The following FOXP1 variants were observed in gnomAD, a reference collection of about 807,000 sequenced individuals.
FOXP1 encodes the protein forkhead box P1.
FOXP1 carries 15 observed loss-of-function variants against 98.2 expected under a neutral mutation model. The ratio of observed to expected loss-of-function variants is 0.15; its 90% CI spans 0.10 to 0.24. FOXP1 has a LOEUF of 0.24. FOXP1 is among the 10% of genes least tolerant of loss of function. FOXP1 has a pLI of 1.00. For synonymous variants in FOXP1, 371 were observed against 314.5 expected, an observed-to-expected ratio of 1.18 and a Z score of -1.90; for missense variants, 633 against 848.5, an observed-to-expected ratio of 0.75 and a Z score of 3.15.
intron 11 of FOXP1, among the ~76,000 whole-genome samples, chr3:71,040,842 G>A (rs2048247490): frequency 6.6e-6 from 1 of 152,090 alleles, no homozygotes; most frequent in Non-Finnish European, 1.5e-5. Context: ...ATACATACGG[G>A]AAAGACCATG....
intron 10 of FOXP1, 122 bp downstream of exon 10, chr3:71,046,820 C>T: frequency 8.2e-7 from 1 of 1,212,578 alleles, no homozygotes. Context: ...CTCCACTTTT[C>T]TTAAAAGAAT....
chr3:71,501,100 G>C (rs1395101720), intron 2 of FOXP1, among the ~76,000 whole-genome samples: 1 of 152,034 alleles, frequency 6.6e-6, no homozygotes, highest in South Asian at 2.1e-4. Context: ...GCTGAGGTGG[G>C]AGAATTGCTT....
At chr3:71,505,941 T>C (rs1254695357) in intron 2 of FOXP1, among the ~76,000 whole-genome samples, 1 of 152,220 alleles carries the variant, frequency 6.6e-6, no homozygotes, top group Non-Finnish European at 1.5e-5. Context: ...TGGTACCACA[T>C]GCACTGGGTG....
At chr3:71,434,784 T>G (rs1165445704) in intron 3 of FOXP1, among the ~76,000 whole-genome samples, 1 of 151,990 alleles carries the variant, frequency 6.6e-6, no homozygotes, top group Non-Finnish European at 1.5e-5. Flanking sequence ...TGGCCAAATG[T>G]CAACAGTTAT....
intron 7 of FOXP1, among the ~76,000 whole-genome samples, chr3:71,097,287 T>C (rs2056550693): frequency 6.6e-6 from 1 of 152,342 alleles, no homozygotes; most frequent in Middle Eastern, 3.4e-3. Context: ...AAATTTATAC[T>C]TCAGTGTCCA....
Position 71,091,097 on chromosome 3 carries a change from C to CTGTG in FOXP1, c.282+21435_282+21438dup, listed in dbSNP as rs1191628935. Among the ~76,000 whole-genome samples, 726 of 132,606 alleles carry CTGTG rather than the reference C, an allele frequency of 5.5e-3. 9 individuals are homozygous for CTGTG. Among genetic ancestry groups the CTGTG allele is most frequent in the African/African-American group, 0.02 (692 of 35,366 alleles). 87.0% of individuals were successfully genotyped at this position (132,606 alleles called of 152,430 possible). On this transcript the variant is annotated intron_variant, in intron 7 of 20. Coordinates refer to ENST00000649528, the MANE Select transcript of FOXP1 (RefSeq NM_001349338.3). The stretch of plus-strand genomic sequence containing the variant: ...CATTTTGAGCTACAGGTGCCAGATT[C>CTGTG]TGTGTGTGTGTGTGTGTGTGTGTGT...
intron 11 of FOXP1, among the ~76,000 whole-genome samples, chr3:71,036,001 C>T (rs753991967): frequency 1.3e-5 from 2 of 152,128 alleles, no homozygotes; most frequent in Non-Finnish European, 2.9e-5. Flanking sequence ...AAATGCAACA[C>T]TAGACATGTA....
chr3:71,025,914 C>A (rs568438125), intron 11 of FOXP1, among the ~76,000 whole-genome samples: 1 of 152,296 alleles, frequency 6.6e-6, no homozygotes, highest in African/African-American at 2.4e-5. Context: ...AGCAGAGTCA[C>A]AATCAACTTT....
At chr3:71,430,823 G>A (rs2084640373) in intron 3 of FOXP1, among the ~76,000 whole-genome samples, 1 of 152,126 alleles carries the variant, frequency 6.6e-6, no homozygotes, top group African/African-American at 2.4e-5. Context: ...TTGGGGGAGG[G>A]GAGGCGGCGG....
At chr3:71,342,996 T>C (rs1469202807) in intron 4 of FOXP1, among the ~76,000 whole-genome samples, 4 of 152,190 alleles carry the variant, frequency 2.6e-5, no homozygotes, top group Non-Finnish European at 5.9e-5. Context: ...ACCTGTAACA[T>C]GAAGGTGGTA....
intron 6 of FOXP1, among the ~76,000 whole-genome samples, chr3:71,159,196 T>C (rs1162767878): frequency 3.4e-5 from 5 of 148,972 alleles, no homozygotes; most frequent in African/African-American, 9.9e-5. Context: ...GAGTAATGTA[T>C]AAAGGACCTG....
chr3:71,238,147 T>C (rs1442977854), intron 5 of FOXP1, among the ~76,000 whole-genome samples: 5 of 152,252 alleles, frequency 3.3e-5, no homozygotes, highest in Non-Finnish European at 5.9e-5. Flanking sequence ...ACTCTCAGGC[T>C]ACATATAGAT....
chr3:71,241,206 T>C (rs1172269831), intron 5 of FOXP1, among the ~76,000 whole-genome samples: 1 of 149,596 alleles, frequency 6.7e-6, no homozygotes, highest in African/African-American at 2.5e-5. Context: ...TGAGATTCCA[T>C]CTCAAAAAAA....
chr3:71,094,923 A>G (rs1156893763), intron 7 of FOXP1, among the ~76,000 whole-genome samples: 1 of 152,228 alleles, frequency 6.6e-6, no homozygotes, highest in Non-Finnish European at 1.5e-5. Flanking sequence ...GACTTCTATT[A>G]GTCAAAATCC....
chr3:71,003,811 A>C (rs1190300051), intron 12 of FOXP1, among the ~76,000 whole-genome samples: 1 of 152,126 alleles, frequency 6.6e-6, no homozygotes, highest in African/African-American at 2.4e-5. Context: ...GTTTGAACTG[A>C]TTTCACAAAT....
intron 3 of FOXP1, among the ~76,000 whole-genome samples, chr3:71,416,707 G>C (rs61548062): frequency 0.043 from 6,494 of 152,052 alleles, 453 homozygotes; most frequent in African/African-American, 0.15. Context: ...GAGTGAAGAG[G>C]AGAGGGAGGC....
intron 2 of FOXP1, among the ~76,000 whole-genome samples, chr3:71,516,645 A>C (rs1296248814): frequency 6.6e-6 from 1 of 152,168 alleles, no homozygotes; most frequent in Non-Finnish European, 1.5e-5. Context: ...CAGGAGTTCA[A>C]GACCCACCTG....
intron 5 of FOXP1, among the ~76,000 whole-genome samples, chr3:71,297,432 C>T (rs10511016): frequency 0.24 from 35,237 of 145,848 alleles, 4,508 homozygotes; most frequent in Middle Eastern, 0.28. Flanking sequence ...GGTGAAAGAA[C>T]GGACATTATA....
intron 5 of FOXP1, among the ~76,000 whole-genome samples, chr3:71,216,485 C>T (rs1374543592): frequency 2.6e-5 from 4 of 152,084 alleles, no homozygotes; most frequent in South Asian, 4.1e-4. Flanking sequence ...GCAGCTGCAA[C>T]GTGCTTCAGG....
Sources: gnomAD v4.1 joint callset for allele counts (sites outside exome capture counted in the v4.1 genomes callset) on GRCh38, gnomAD v4.1.1 for gene constraint, MANE v1.5 for transcripts, NCBI Gene and HGNC (gene_info 2026-07-23, HGNC 2026-07-21) for gene names.